Variants in KIF5A observed in about 807,000 individuals in gnomAD.
KIF5A encodes the protein kinesin family member 5A, also known as kinesin heavy chain isoform 5A.
KIF5A carries 35 observed loss-of-function variants against 141.3 expected under a neutral mutation model. The observed-to-expected ratio is 0.25, with a 90% CI of 0.19 to 0.33. KIF5A has a LOEUF of 0.33. Ranked by LOEUF, KIF5A falls within the 10% of genes least tolerant of loss-of-function variation. KIF5A has a pLI of 1.00. For synonymous variants in KIF5A, 448 were observed against 500.2 expected (o/e 0.90, Z 1.39); for missense variants, 861 against 1,314.3 (o/e 0.66, Z 5.33).
In KIF5A at chr12:57,567,152, C is replaced by T; in HGVS notation, c.528C>T (p.Ser176=). Residue 176 remains serine (S), a synonymous_variant, in exon 7 of 29, where the codon AGC becomes AGT. Transcript: ENST00000455537. ...VKGCTERFVS[S]PEEILDVIDE... ...GTTGTACTGAACGCTTTGTGTCCAG[C>T]CCGGAGGAGATTCTGGATGTGATTG... The T allele has an allele frequency of 6.2e-7, 1 of 1,612,912 alleles. No individual in the cohort carries two copies. The highest frequency in any genetic ancestry group is 8.5e-7 in the Non-Finnish European group (1 of 1,179,222).
At chr12:57,578,957 G>T (rs1049322494) in intron 23 of KIF5A, among the ~76,000 whole-genome samples, 1 of 152,158 alleles carries the variant, frequency 6.6e-6, no homozygotes, top group African/African-American at 2.4e-5. Context: ...CCAGCTACTT[G>T]GGAGGCTGAG....
At chr12:57,577,126 T>G (rs915236963) in intron 20 of KIF5A, among the ~76,000 whole-genome samples, 4 of 152,194 alleles carry the variant, frequency 2.6e-5, no homozygotes, top group Non-Finnish European at 5.9e-5. Context: ...CCCATAAAAA[T>G]GTATACATGG....
chr12:57,582,002 T>C (rs773898918), intron 26 of KIF5A, 50 bp downstream of exon 26: 35 of 1,450,132 alleles, frequency 2.4e-5, no homozygotes, highest in Non-Finnish European at 3.3e-5. Context: ...CAGGGCAAGT[T>C]GAGAGGCATA....
At chr12:57,576,240 C>G in intron 18 of KIF5A, 29 bp from the exon 19 acceptor site, 1 of 1,612,754 alleles carries the variant, frequency 6.2e-7, no homozygotes, top group Non-Finnish European at 8.5e-7. Flanking sequence ...GGAGTCTGGC[C>G]TTTGAGCTTG....
chr12:57,581,531 T>C lies in KIF5A; in HGVS notation c.2872T>C (p.Tyr958His), dbSNP rs1292729014. 1 of 1,613,660 alleles carries C rather than the reference T, an allele frequency of 6.2e-7. No homozygotes were observed. The highest frequency in any genetic ancestry group is 1.3e-5 in the African/African-American group (1 of 74,890). Reference sequence around the variant, plus strand: ...CCTCTTCCAGAACTACCAGAATCTCTACCTGCAGGCCACACCCAGCTCCAC... The same window carrying C: ...CCTCTTCCAGAACTACCAGAATCTCCACCTGCAGGCCACACCCAGCTCCAC... ...NSLFQNYQNLYLQATPSSTSD... is the reference protein window; with the variant it reads ...NSLFQNYQNLHLQATPSSTSD... The change falls in exon 25 of 29, where the codon TAC becomes CAC. Residue 958 changes from tyrosine to histidine, a missense_variant. Tyr to His is a moderately conservative substitution (Grantham distance 83, BLOSUM62 2). Transcript: ENST00000455537.
chr12:57,560,737 C>T (rs868050608), intron 1 of KIF5A, among the ~76,000 whole-genome samples: 6 of 152,038 alleles, frequency 3.9e-5, no homozygotes, highest in Admixed American at 6.6e-5. Context: ...CATGGTGGCT[C>T]ACGCTTGCAA....
At chr12:57,574,980 A>G in intron 15 of KIF5A, 104 bp from the exon 16 acceptor site, 3 of 981,416 alleles carry the variant, frequency 3.1e-6, no homozygotes, top group Non-Finnish European at 4.9e-6. Context: ...ATCCCATTTG[A>G]GTCCCTGCGT....
In KIF5A at chr12:57,572,354, A is replaced by G. The variant is rs1882282333; in HGVS notation, c.1569+87A>G. 3 of 1,408,650 alleles carry G rather than the reference A, an allele frequency of 2.1e-6. No homozygotes were observed. The highest frequency in any genetic ancestry group is 2.9e-6 in the Non-Finnish European group (3 of 1,017,862). 87.3% of individuals were successfully genotyped at this position (1,408,650 alleles called of 1,614,324 possible). ...GACCTCTGCATCCTTCCAGGGCTGT[A>G]TGGTGGCTGCACCTCTGCACTGCTG... On this transcript the variant is annotated intron_variant, in intron 14 of 28. Coordinates refer to ENST00000455537, the MANE Select transcript of KIF5A (RefSeq NM_004984.4). This position sits in a 1 kb window ranked among gnomAD's most constrained non-coding sequence, Gnocchi z 4.2.
At position 57,581,950 on chromosome 12, in the gene KIF5A, A is replaced by T. The variant is rs146202502; in HGVS notation, c.2990A>T (p.Asn997Ile). The stretch of plus-strand genomic sequence containing the variant: ...TCCTACCAGAAGGCCAACATGGACA[A>T]TGGTGAGTGAAAAAGATGGGTAATC... ...LASYQKANMD[N>I]GNATDINDNR... is the part of the protein sequence containing the mutation. Residue 997 changes from asparagine to isoleucine, a missense_variant and splice_region_variant, in exon 26 of 29, where the codon AAT becomes ATT. Physicochemically the swap from Asn to Ile is moderately radical, Grantham distance 149. Coordinates refer to ENST00000455537, the MANE Select transcript of KIF5A (RefSeq NM_004984.4). The T allele has an allele frequency of 1.9e-5, 31 of 1,613,478 alleles. No homozygotes were observed. Among genetic ancestry groups the T allele is most frequent in the Admixed American group, 3.3e-5 (2 of 60,006 alleles).
rs1594920025 is a variant in KIF5A at position 57,572,967 on chromosome 12, A to T, written c.1716+241A>T. 6.6e-6 allele frequency among the ~76,000 whole-genome samples: 1 copy of T among 152,240 alleles called. No individual in the cohort carries two copies. Among genetic ancestry groups the T allele is most frequent in the Non-Finnish European group, 1.5e-5 (1 of 68,046 alleles). Reference sequence around the variant, plus strand: ...CACTTTGGGAGGCCGAGGCAGGCGGATCACTTGAGGTCAGGAGTTCGAGAC... The same window carrying T: ...CACTTTGGGAGGCCGAGGCAGGCGGTTCACTTGAGGTCAGGAGTTCGAGAC... On this transcript the variant is annotated intron_variant, in intron 15 of 28. Transcript: ENST00000455537. This position sits in a 1 kb window ranked among gnomAD's most constrained non-coding sequence, Gnocchi z 4.2.
rs1189582656 is a variant in KIF5A at position 57,585,871 on chromosome 12, C to A, written c.*1690C>A. The A allele has an allele frequency of 1.3e-5, 2 of 150,756 alleles. No individual in the cohort carries two copies. Among genetic ancestry groups the A allele is most frequent in the African/African-American group, 2.4e-5 (1 of 41,066 alleles). 9.3% of individuals were successfully genotyped at this position (150,756 alleles called of 1,614,324 possible). On this transcript the variant is annotated 3_prime_UTR_variant, in exon 29 of 29. Transcript: ENST00000455537. The stretch of plus-strand genomic sequence containing the variant: ...TTTCAAAAACAAATCTTACATAGAA[C>A]CCCAATATAAAAAATAAAGTAATGC...
At chr12:57,564,397 AT>A in intron 4 of KIF5A, 62 bp from the exon 5 acceptor site, 4 of 1,268,356 alleles carry the variant, frequency 3.2e-6, no homozygotes, top group Non-Finnish European at 4.6e-6. Context: ...TTAGTATGGG[AT>A]TCCTGAACTA....
At position 57,550,052 on chromosome 12, in the gene KIF5A, C is replaced by G. The variant is rs1036616984; in HGVS notation, c.-220C>G. The stretch of plus-strand genomic sequence containing the variant: ...GCGAGGGGCGGAGAGGCAGAGAGCC[C>G]GAAAGGACCAGACGCCCAGGTCGCC... On this transcript the variant is annotated 5_prime_UTR_variant, in exon 1 of 29. Transcript: ENST00000455537. The surrounding 1 kb of genome is among the most constrained non-coding windows in gnomAD (Gnocchi z 4.6). 7.0e-6 allele frequency: 4 copies of G among 572,830 alleles called. No homozygotes were observed. Among genetic ancestry groups the G allele is most frequent in the Non-Finnish European group, 6.2e-6 (2 of 322,372 alleles). 35.5% of individuals were successfully genotyped at this position (572,830 alleles called of 1,614,324 possible). A position where few individuals can be genotyped will look rare whatever the true frequency, so the allele number is the denominator to read the frequency against.
chr12:57,565,836 G>A (rs1882047626), intron 6 of KIF5A, among the ~76,000 whole-genome samples: 1 of 151,648 alleles, frequency 6.6e-6, no homozygotes. Context: ...TGTTGGCCAG[G>A]CTGGTCTCTA....
At chr12:57,567,069 A>G in intron 6 of KIF5A, 57 bp from the exon 7 acceptor site, 1 of 987,912 alleles carries the variant, frequency 1.0e-6, no homozygotes, top group Non-Finnish European at 1.5e-6. Flanking sequence ...AAATAAATAA[A>G]TAAATACAAA....
rs1882576831 is a variant in KIF5A at position 57,580,941 on chromosome 12, T to C, written c.2539-15T>C. 5 of 1,613,476 alleles carry C rather than the reference T, an allele frequency of 3.1e-6. No homozygotes were observed. In the African/African-American group the frequency reaches 6.7e-5, roughly 22 times the overall value. On this transcript the variant is annotated splice_polypyrimidine_tract_variant and intron_variant, in intron 23 of 28. Transcript: ENST00000455537. ...TGCCTTCCTTTCCACTTCTTCCCTTTGGCTTGCCCCATAGCTGGTACGTGA... is the reference window on the plus strand; with the variant it reads ...TGCCTTCCTTTCCACTTCTTCCCTTCGGCTTGCCCCATAGCTGGTACGTGA...
At chr12:57,576,884 G>T in intron 20 of KIF5A, 22 bp downstream of exon 20, 2 of 1,565,372 alleles carry the variant, frequency 1.3e-6, no homozygotes, top group Non-Finnish European at 1.8e-6. Context: ...GGATTTACCT[G>T]TAAAACTACA....
chr12:57,576,494 A>C, intron 19 of KIF5A, 116 bp downstream of exon 19: 1 of 828,506 alleles, frequency 1.2e-6, no homozygotes, highest in Non-Finnish European at 2.0e-6. Flanking sequence ...TCCCTCAACA[A>C]TGCCACAACT....
Position 57,585,128 on chromosome 12 carries a change from A to G in KIF5A, c.*947A>G, listed in dbSNP as rs1317651113. On this transcript the variant is annotated 3_prime_UTR_variant, in exon 29 of 29. Transcript: ENST00000455537. The stretch of plus-strand genomic sequence containing the variant: ...TTTCTGAGCCTTTTTTTTTTGTCAC[A>G]GTGCCCTCAAGTTGAAGTGATGAGC... 6.6e-6 allele frequency: 1 copy of G among 151,774 alleles called. No individual in the cohort carries two copies. The highest frequency in any genetic ancestry group is 2.4e-5 in the African/African-American group (1 of 41,196). 9.4% of individuals were successfully genotyped at this position (151,774 alleles called of 1,614,324 possible). A position where few individuals can be genotyped will look rare whatever the true frequency, so the allele number is the denominator to read the frequency against.
Sources: allele counts gnomAD v4.1 joint callset (sites outside exome capture counted in the v4.1 genomes callset), GRCh38; gene constraint gnomAD v4.1.1; non-coding constraint Gnocchi (gnomAD v3.1); transcripts MANE v1.5; gene names NCBI Gene and HGNC (gene_info 2026-07-23, HGNC 2026-07-21).